Variants in MGAT4C observed in about 807,000 individuals in gnomAD.
MGAT4C encodes MGAT4 family member C, also known as alpha-1,3-mannosyl-glycoprotein 4-beta-N-acetylglucosaminyltransferase C.
MGAT4C carries 19 observed loss-of-function variants against 40.1 expected under a neutral mutation model. The observed-to-expected ratio is 0.47, with a 90% confidence interval of 0.33 to 0.70. MGAT4C has a LOEUF of 0.70. MGAT4C is among the 30% of genes least tolerant of loss of function. MGAT4C has a pLI of 0.02. For synonymous variants in MGAT4C, 181 were observed against 187.1 expected, an observed-to-expected ratio of 0.97 and a Z score of 0.27; for missense variants, 491 against 563.2, an observed-to-expected ratio of 0.87 and a Z score of 1.30.
chr12:86,763,820 C>G (rs7314070), intron 1 of MGAT4C, among the ~76,000 whole-genome samples: 59,955 of 151,898 alleles, frequency 0.39, 11,950 homozygotes, highest in Non-Finnish European at 0.42. Flanking sequence ...GATCATTTCA[C>G]CTAGGATTTA....
chr12:86,073,880 T>C (rs1869108443), intron 1 of MGAT4C, among the ~76,000 whole-genome samples: 1 of 152,108 alleles, frequency 6.6e-6, no homozygotes, highest in Non-Finnish European at 1.5e-5. Flanking sequence ...TTTGGGGGAC[T>C]GTTGGGAAGG....
At chr12:86,461,980 A>G (rs919578145) in intron 2 of MGAT4C, among the ~76,000 whole-genome samples, 1 of 152,182 alleles carries the variant, frequency 6.6e-6, no homozygotes, top group African/African-American at 2.4e-5. Flanking sequence ...TTACTTCATG[A>G]GTGTATAACT....
intron 3 of MGAT4C, among the ~76,000 whole-genome samples, chr12:86,414,160 T>A (rs555943922): frequency 9.0e-4 from 137 of 152,184 alleles, no homozygotes; most frequent in African/African-American, 2.8e-3. Context: ...ATTTGATAGT[T>A]TTTATTCATC....
intron 2 of MGAT4C, among the ~76,000 whole-genome samples, chr12:86,610,148 C>A (rs971979311): frequency 6.6e-6 from 1 of 151,956 alleles, no homozygotes; most frequent in Non-Finnish European, 1.5e-5. Context: ...TAATAAAGAA[C>A]AAATGCCACA....
intron 2 of MGAT4C, among the ~76,000 whole-genome samples, chr12:86,479,336 T>G (rs1957894712): frequency 6.6e-6 from 1 of 152,004 alleles, no homozygotes; most frequent in Admixed American, 6.6e-5. Flanking sequence ...GAAAGCATTT[T>G]TAATACTATC....
chr12:86,245,953 TAC>T (rs1952007460), intron 1 of MGAT4C, among the ~76,000 whole-genome samples: 1 of 152,174 alleles, frequency 6.6e-6, no homozygotes, highest in African/African-American at 2.4e-5. Context: ...TACACCATTA[TAC>T]AGTTTTACAT....
intron 2 of MGAT4C, among the ~76,000 whole-genome samples, chr12:86,628,414 C>G (rs1039667611): frequency 6.6e-6 from 1 of 151,966 alleles, no homozygotes; most frequent in Non-Finnish European, 1.5e-5. Flanking sequence ...AGATACTCCT[C>G]GAGAAGAGCA....
At position 86,597,277 on chromosome 12, in the gene MGAT4C, G is replaced by A. The variant is rs575468402; in HGVS notation, c.-229+129932C>T. On this transcript the variant is annotated intron_variant, in intron 2 of 7. Coordinates refer to the MGAT4C transcript ENST00000548651. Reference sequence around the variant, plus strand: ...TGTCCTTGCCAGCAAGAAAAAGCTAGAGTGCTCTTCACCCAATTCCCACCA... The same window carrying A: ...TGTCCTTGCCAGCAAGAAAAAGCTAAAGTGCTCTTCACCCAATTCCCACCA... Among the ~76,000 whole-genome samples, 7 of 152,264 alleles carry A rather than the reference G, an allele frequency of 4.6e-5. No individual in the cohort carries two copies. The East Asian group carries it at 1.2e-3, about 25-fold the overall frequency.
At chr12:86,441,681 CTT>C (rs1433243566) in intron 2 of MGAT4C, among the ~76,000 whole-genome samples, 1 of 151,926 alleles carries the variant, frequency 6.6e-6, no homozygotes, top group East Asian at 1.9e-4. Flanking sequence ...ATGAACTCAT[CTT>C]TTTTATGGCT....
At chr12:86,387,238 T>C (rs1956068418) in intron 3 of MGAT4C, among the ~76,000 whole-genome samples, 1 of 152,238 alleles carries the variant, frequency 6.6e-6, no homozygotes, top group East Asian at 1.9e-4. Flanking sequence ...ACTTACTTAC[T>C]AGTCCTAATC....
At chr12:86,010,029 C>T (rs890062828) in intron 2 of MGAT4C, among the ~76,000 whole-genome samples, 1 of 152,090 alleles carries the variant, frequency 6.6e-6, no homozygotes, top group African/African-American at 2.4e-5. Context: ...CTTGATATTT[C>T]ATTGCATATT....
chr12:86,180,741 A>T (rs1689340), intron 1 of MGAT4C, among the ~76,000 whole-genome samples: 99,912 of 151,924 alleles, frequency 0.66, 33,300 homozygotes, highest in South Asian at 0.75. Context: ...CAATACCTGT[A>T]CCCCCATTGT....
At chr12:86,629,704 A>G (rs894054067) in intron 2 of MGAT4C, among the ~76,000 whole-genome samples, 1 of 152,168 alleles carries the variant, frequency 6.6e-6, no homozygotes, top group Non-Finnish European at 1.5e-5. Context: ...TTTGAAACCA[A>G]TGAGAACAAA....
At chr12:86,367,155 A>C (rs916190908) in intron 3 of MGAT4C, among the ~76,000 whole-genome samples, 1 of 151,960 alleles carries the variant, frequency 6.6e-6, no homozygotes. Context: ...AGCCTCATGC[A>C]TTTCAAGGAA....
chr12:86,446,112 A>G lies in MGAT4C; in HGVS notation c.-228-10847T>C, dbSNP rs908042475. Among the ~76,000 whole-genome samples, 37 of 152,172 alleles carry G rather than the reference A, an allele frequency of 2.4e-4. 1 individual carries two copies. Among genetic ancestry groups the G allele is most frequent in the Non-Finnish European group, 2.9e-5 (2 of 67,996 alleles). ...GCACACATATAGCTACACATAAAGT[A>G]TATCACAAAAATATAGAATAAAATT... On this transcript the variant is annotated intron_variant, in intron 2 of 7. Coordinates refer to the MGAT4C transcript ENST00000548651.
At chr12:86,420,091 T>C (rs1322222955) in intron 3 of MGAT4C, among the ~76,000 whole-genome samples, 1 of 151,686 alleles carries the variant, frequency 6.6e-6, no homozygotes, top group Non-Finnish European at 1.5e-5. Flanking sequence ...AAAATGCATT[T>C]TACAGGCCTG....
At chr12:86,795,601 G>GGA (rs149027589) in intron 1 of MGAT4C, among the ~76,000 whole-genome samples, 2,109 of 151,126 alleles carry the variant, frequency 0.014, 47 homozygotes, top group African/African-American at 0.049. Flanking sequence ...GACAGAGAAA[G>GGA]GAGAGAGAGA....
chr12:86,419,756 A>G (rs1222501497), intron 3 of MGAT4C, among the ~76,000 whole-genome samples: 1 of 152,178 alleles, frequency 6.6e-6, no homozygotes, highest in African/African-American at 2.4e-5. Context: ...CTAAACACTC[A>G]AGGACTCAAT....
chr12:86,649,727 A>C (rs1265793921), intron 2 of MGAT4C, among the ~76,000 whole-genome samples: 1 of 151,788 alleles, frequency 6.6e-6, no homozygotes, highest in Non-Finnish European at 1.5e-5. Context: ...AAAGGCCGTT[A>C]TTTTATGTAT....
Sources: allele counts gnomAD v4.1 joint callset (sites outside exome capture counted in the v4.1 genomes callset), GRCh38; gene constraint gnomAD v4.1.1; transcripts MANE v1.5; gene names NCBI Gene and HGNC (gene_info 2026-07-23, HGNC 2026-07-21).